Variants in SAMD4B observed in about 807,000 individuals in gnomAD.
The protein encoded by SAMD4B is protein Smaug homolog 2.
A neutral mutation model predicts 74.5 loss-of-function variants in SAMD4B; 5 were observed. The observed-to-expected ratio is 0.07, with a 90% CI of 0.04 to 0.14. The LOEUF (loss-of-function observed/expected upper bound fraction) is 0.14, where lower values mean the gene tolerates loss of function less well. Among genes scored for constraint, SAMD4B ranks in the 10% least tolerant of loss-of-function variants. The probability of loss-of-function intolerance (pLI) is 1.00; values close to 1 mark genes in which losing one functional copy is unlikely to be tolerated. For missense variants in SAMD4B, 608 were observed against 921.8 expected (o/e 0.66, Z 4.41); for synonymous variants, 373 against 374.9 (o/e 1.00, Z 0.06).
chr19:39,375,664 A>C lies in SAMD4B; in HGVS notation c.682A>C (p.Ile228Leu). The C allele has an allele frequency of 1.2e-6, 2 of 1,602,528 alleles. No homozygotes were observed. The highest frequency in any genetic ancestry group is 1.7e-4 in the Middle Eastern group (1 of 6,034). Reference protein sequence around the residue: ...SNANTGLPCQIHPSPLKRSMS... With the variant: ...SNANTGLPCQLHPSPLKRSMS... Reference sequence around the variant, plus strand: ...ACTCTGGCCAGGTCTCCCCTGCCAAATCCACCCTAGCCCACTGAAGCGCTC... The same window carrying C: ...ACTCTGGCCAGGTCTCCCCTGCCAACTCCACCCTAGCCCACTGAAGCGCTC... Residue 228 changes from isoleucine to leucine, a missense_variant, in exon 5 of 14, where the codon ATC (isoleucine) becomes CTC (leucine). This residue lies in a region of SAMD4B where 153 missense variants were observed against 153.0 expected (regional missense o/e 1.00). Coordinates refer to ENST00000610417, the MANE Select transcript of SAMD4B (RefSeq NM_001384574.2). This position sits in a 1 kb window ranked among gnomAD's most constrained non-coding sequence, Gnocchi z 4.1.
Position 39,380,065 on chromosome 19 carries a change from A to G in SAMD4B, c.1630A>G (p.Asn544Asp). 1 of 1,613,594 alleles carries G rather than the reference A, an allele frequency of 6.2e-7. No homozygotes were observed. ...GCGCAAAGCCGCACTAGAGATGCAGAACTACCGGCAGCAGAAAGGGTAGGC... is the reference window on the plus strand; with the variant it reads ...GCGCAAAGCCGCACTAGAGATGCAGGACTACCGGCAGCAGAAAGGGTAGGC... The part of the protein sequence containing the change: ...FPRKAALEMQ[N>D]YRQQKGWAFG... The change falls in exon 10 of 14, where the codon AAC (asparagine) becomes GAC (aspartate). Residue 544 changes from asparagine to aspartate, a missense_variant. Transcript: ENST00000610417.
chr19:39,377,284 T>G (rs927255045), intron 7 of SAMD4B, among the ~76,000 whole-genome samples: 5 of 152,196 alleles, frequency 3.3e-5, no homozygotes, highest in African/African-American at 1.2e-4. Flanking sequence ...GTGAGTTCTG[T>G]GGGACTTCAT....
chr19:39,376,925 A>G (rs2077632191), intron 7 of SAMD4B, 134 bp downstream of exon 7: 3 of 671,694 alleles, frequency 4.5e-6, no homozygotes, highest in South Asian at 1.8e-5. Context: ...CCCAGACTTC[A>G]GGGACCACAT....
intron 3 of SAMD4B, 198 bp from the exon 4 acceptor site, chr19:39,369,457 A>T (rs2077162812): frequency 5.1e-6 from 3 of 593,164 alleles, no homozygotes; most frequent in Non-Finnish European, 8.9e-6. Flanking sequence ...CTTAAAAAAA[A>T]TAAGACAAAA....
Position 39,356,887 on chromosome 19 carries a change from C to T in SAMD4B, c.-7C>T, listed in dbSNP as rs781461617. The stretch of plus-strand genomic sequence containing the variant: ...CGTCCCCCGACCCTGGCCCCAGGCC[C>T]GGCACCATGATGTTCCGAGACCAGG... On this transcript the variant is annotated 5_prime_UTR_variant, in exon 3 of 14. Transcript: ENST00000610417. 49 of 1,601,916 alleles carry T rather than the reference C, an allele frequency of 3.1e-5. No homozygotes were observed. The South Asian group carries it at 3.7e-4, about 12-fold the overall frequency.
Position 39,376,186 on chromosome 19 carries a change from A to G in SAMD4B, c.908-251A>G, listed in dbSNP as rs576301747. Reference sequence around the variant, plus strand: ...AGGTTCCAGCAAGAGTTTTGGAGCAATCAGTGAGGTCATCCTGGTATACAT... The same window carrying G: ...AGGTTCCAGCAAGAGTTTTGGAGCAGTCAGTGAGGTCATCCTGGTATACAT... On this transcript the variant is annotated intron_variant, in intron 5 of 13. Transcript: ENST00000610417. Among the ~76,000 whole-genome samples the G allele has an allele frequency of 3.9e-5, 6 of 152,278 alleles. No homozygotes were observed. In the South Asian group the frequency reaches 6.2e-4, roughly 16 times the overall value.
At chr19:39,385,711 C>T (rs893997786), downstream of SAMD4B, 80 of 528,894 alleles carry the variant, frequency 1.5e-4, no homozygotes, top group Non-Finnish European at 2.1e-4. Context: ...TTCTGACCTT[C>T]GTTGTGCTAC....
At chr19:39,376,915 C>T in intron 7 of SAMD4B, 124 bp downstream of exon 7, 1 of 743,742 alleles carries the variant, frequency 1.3e-6, no homozygotes. Context: ...GCCCTAGGGA[C>T]CCAGACTTCA....
chr19:39,356,535 A>C (rs1293359575), intron 2 of SAMD4B, 154 bp from the exon 3 acceptor site: 1 of 170,284 alleles, frequency 5.9e-6, no homozygotes, highest in African/African-American at 2.4e-5. Flanking sequence ...AGTAGCTTTA[A>C]TATCTGGTGT....
rs1369564374 is a variant in SAMD4B, at chr19:39,384,045, T to A, written c.*518T>A. Reference sequence around the variant, plus strand: ...AGGAAGCTCTCTCTCCTCTCCCTGCTTCCCCTTCACCATTCCCCACATTCT... The same window carrying A: ...AGGAAGCTCTCTCTCCTCTCCCTGCATCCCCTTCACCATTCCCCACATTCT... On this transcript the variant is annotated 3_prime_UTR_variant, in exon 14 of 14. Transcript: ENST00000610417. 2.7e-6 allele frequency: 1 copy of A among 371,388 alleles called. No individual in the cohort carries two copies. The highest frequency in any genetic ancestry group is 4.9e-6 in the Non-Finnish European group (1 of 204,458). 23.0% of individuals were successfully genotyped at this position (371,388 alleles called of 1,614,324 possible).
At chr19:39,388,807 G>A (rs760638200), downstream of SAMD4B, 10 of 1,614,028 alleles carry the variant, frequency 6.2e-6, no homozygotes, top group South Asian at 3.3e-5. Context: ...TGCACCACTC[G>A]TGTCCTTGGG....
Position 39,375,498 on chromosome 19 carries a change from A to C in SAMD4B, c.668-152A>C. 1 of 927,794 alleles carries C rather than the reference A, an allele frequency of 1.1e-6. No individual in the cohort carries two copies. Among genetic ancestry groups the C allele is most frequent in the Non-Finnish European group, 1.6e-6 (1 of 607,644 alleles). 57.5% of individuals were successfully genotyped at this position (927,794 alleles called of 1,614,324 possible). ...GGTGTTGGAGGTAAGAGAATGAGGT[A>C]TATCTGGTAGGCAGTTACCCTTGGA... On this transcript the variant is annotated intron_variant, in intron 4 of 13. Transcript: ENST00000610417. The surrounding 1 kb of genome is among the most constrained non-coding windows in gnomAD (Gnocchi z 4.1).
At chr19:39,374,050 C>G (rs2077457810) in intron 4 of SAMD4B, among the ~76,000 whole-genome samples, 1 of 151,990 alleles carries the variant, frequency 6.6e-6, no homozygotes, top group South Asian at 2.1e-4. Context: ...GGTGGATCAC[C>G]TGAGGTCAGG....
At chr19:39,343,821 T>G (rs946906831) in intron 1 of SAMD4B, among the ~76,000 whole-genome samples, 4 of 152,038 alleles carry the variant, frequency 2.6e-5, no homozygotes, top group African/African-American at 9.7e-5. Context: ...AAAACTTTCC[T>G]CATGGTTTTT....
At chr19:39,385,720 A>G (rs2078230928), downstream of SAMD4B, 3 of 543,936 alleles carry the variant, frequency 5.5e-6, no homozygotes, top group Non-Finnish European at 6.4e-6. Context: ...TCGTTGTGCT[A>G]CATTTTGTGG....
downstream of SAMD4B, chr19:39,389,475 C>T: frequency 4.3e-6 from 7 of 1,614,144 alleles, no homozygotes; most frequent in Non-Finnish European, 5.9e-6. This position sits in a 1 kb window ranked among gnomAD's most constrained non-coding sequence, Gnocchi z 5.3. Flanking sequence ...TTGCTACCCA[C>T]TCACCTCTTG....
chr19:39,376,869 C>CACA, intron 7 of SAMD4B, 78 bp downstream of exon 7: 1 of 1,235,160 alleles, frequency 8.1e-7, no homozygotes, highest in Non-Finnish European at 1.2e-6. Context: ...CTGAGTTGGC[C>CACA]TCCAGACTCC....
At chr19:39,368,121 G>A (rs2145647325) in intron 3 of SAMD4B, among the ~76,000 whole-genome samples, 1 of 152,178 alleles carries the variant, frequency 6.6e-6, no homozygotes, top group East Asian at 2.0e-4. Flanking sequence ...GGCTGAGGCA[G>A]TAGAATGGCA....
chr19:39,363,847 G>C (rs1255258057), intron 3 of SAMD4B, among the ~76,000 whole-genome samples: 2 of 152,190 alleles, frequency 1.3e-5, no homozygotes, highest in Non-Finnish European at 2.9e-5. Flanking sequence ...CAATTGTGCA[G>C]GTATTCGTTG....
Sources: allele counts gnomAD v4.1 joint callset (sites outside exome capture counted in the v4.1 genomes callset), GRCh38; gene constraint gnomAD v4.1.1; regional missense constraint gnomAD v4.1.1; non-coding constraint Gnocchi (gnomAD v3.1); transcripts MANE v1.5; gene names NCBI Gene and HGNC (gene_info 2026-07-23, HGNC 2026-07-21).